Variants in LAMB3 observed in about 807,000 individuals in gnomAD.
LAMB3 encodes the protein laminin subunit beta 3.
LAMB3 carries 104 observed loss-of-function variants against 140.3 expected under a neutral mutation model. The ratio of observed to expected loss-of-function variants is 0.74; its 90% confidence interval spans 0.63 to 0.87. LAMB3 has a LOEUF of 0.87. LAMB3 is among the 40% of genes least tolerant of loss of function. LAMB3 has a pLI of 0.00. For missense variants in LAMB3, 1,531 were observed against 1,575.2 expected (o/e 0.97, Z 0.47); for synonymous variants, 592 against 602.9 (o/e 0.98, Z 0.26).
chr1:209,620,751 G>A lies in LAMB3; in HGVS notation c.2701+1785C>T, dbSNP rs369368764. Among the ~76,000 whole-genome samples, 15 of 152,336 alleles carry A rather than the reference G, an allele frequency of 9.8e-5. No homozygotes were observed. In the East Asian group the frequency reaches 2.3e-3, roughly 24 times the overall value. On this transcript the variant is annotated intron_variant, in intron 18 of 22. Transcript: ENST00000356082. ...GAATAAATGATGTAATACATGCAAA[G>A]CACTTGGAACAGTGCCTGGACTCAG...
rs2102434032 is a variant in LAMB3 at position 209,632,500 on chromosome 1, C to A, written c.822+83G>T. Reference sequence around the variant, plus strand: ...CCAAGTCTTAGATTTAGTGCCCTTCCTGCTTTACAGGAGCCCCAAGAATGT... The same window carrying A: ...CCAAGTCTTAGATTTAGTGCCCTTCATGCTTTACAGGAGCCCCAAGAATGT... On this transcript the variant is annotated intron_variant, in intron 8 of 22. Coordinates refer to ENST00000356082, the MANE Select transcript of LAMB3 (RefSeq NM_000228.3). The A allele has an allele frequency of 3.6e-6, 4 of 1,116,814 alleles. No homozygotes were observed. In the South Asian group the frequency reaches 5.5e-5, roughly 15 times the overall value. The allele number at this position is 1,116,814 out of a possible 1,614,324, so 69.2% of individuals were successfully genotyped here.
At chr1:209,621,495 C>T (rs1284099905) in intron 18 of LAMB3, among the ~76,000 whole-genome samples, 1 of 152,212 alleles carries the variant, frequency 6.6e-6, no homozygotes, top group Non-Finnish European at 1.5e-5. Context: ...TGTCATTACA[C>T]CAAGCCCTGG....
At chr1:209,638,769 A>T in intron 3 of LAMB3, 121 bp from the exon 4 acceptor site, 2 of 706,676 alleles carry the variant, frequency 2.8e-6, no homozygotes, top group South Asian at 3.0e-5. Context: ...CACTAATTTT[A>T]TTAATACAAT....
Position 209,650,138 on chromosome 1 carries a change from T to A in LAMB3, c.29-20A>T. 1 of 1,607,548 alleles carries A rather than the reference T, an allele frequency of 6.2e-7. No homozygotes were observed. Among genetic ancestry groups the A allele is most frequent in the Non-Finnish European group, 8.5e-7 (1 of 1,177,312 alleles). ...GCAGGGCTGAAATCACAGGGATGTGTGATGGAGCAGTCCAGAAAAAAAGGG... is the reference window on the plus strand; with the variant it reads ...GCAGGGCTGAAATCACAGGGATGTGAGATGGAGCAGTCCAGAAAAAAAGGG... On this transcript the variant is annotated intron_variant, in intron 2 of 22. Transcript: ENST00000356082.
At chr1:209,641,574 T>G (rs2076469589) in intron 3 of LAMB3, among the ~76,000 whole-genome samples, 2 of 152,118 alleles carry the variant, frequency 1.3e-5, no homozygotes, top group South Asian at 2.1e-4. Flanking sequence ...TGCTAAAGGG[T>G]AGCAGTCTCT....
At chr1:209,620,559 T>C (rs1666151652) in intron 18 of LAMB3, among the ~76,000 whole-genome samples, 1 of 152,238 alleles carries the variant, frequency 6.6e-6, no homozygotes, top group Non-Finnish European at 1.5e-5. Context: ...TGTGTGTCTA[T>C]GCCGTAAAGC....
intron 19 of LAMB3, 21 bp downstream of exon 19, chr1:209,618,431 G>T (rs1418709371): frequency 6.2e-7 from 1 of 1,611,018 alleles, no homozygotes; most frequent in Non-Finnish European, 8.5e-7. Context: ...GCAGAGAGAA[G>T]TTCAGGGCCC....
chr1:209,635,090 G>T (rs916559152), intron 5 of LAMB3, among the ~76,000 whole-genome samples: 5 of 152,104 alleles, frequency 3.3e-5, no homozygotes, highest in Admixed American at 6.5e-5. Context: ...AGTCTGCATT[G>T]ATCTCATGAT....
At chr1:209,618,742 T>A in intron 18 of LAMB3, 83 bp from the exon 19 acceptor site, 1 of 1,356,202 alleles carries the variant, frequency 7.4e-7, no homozygotes, top group Non-Finnish European at 1.0e-6. Flanking sequence ...GCAGCACTTG[T>A]GGAAGGCACC....
chr1:209,627,341 C>T (rs1411759159), intron 12 of LAMB3, 42 bp downstream of exon 12: 1 of 1,545,482 alleles, frequency 6.5e-7, no homozygotes. Context: ...CTCAGGACCC[C>T]CCTCCCACTG....
chr1:209,640,960 G>C (rs113404426), intron 3 of LAMB3, among the ~76,000 whole-genome samples: 1 of 151,854 alleles, frequency 6.6e-6, no homozygotes, highest in South Asian at 2.1e-4. Flanking sequence ...GCGGGCCCCT[G>C]TAGTCCCAGC....
At chr1:209,617,368 C>T (rs777194045) in intron 21 of LAMB3, 42 bp downstream of exon 21, 2 of 1,598,678 alleles carry the variant, frequency 1.3e-6, no homozygotes, top group South Asian at 2.2e-5. Flanking sequence ...AGGACCCCCT[C>T]ACTGGCCGTA....
intron 1 of LAMB3, among the ~76,000 whole-genome samples, chr1:209,652,043 A>G (rs1003341708): frequency 6.6e-6 from 1 of 152,022 alleles, no homozygotes; most frequent in African/African-American, 2.4e-5. Flanking sequence ...CCATCTTCTG[A>G]CTTTCATCCA....
chr1:209,617,212 C>T (rs1305605406), intron 21 of LAMB3, among the ~76,000 whole-genome samples, 198 bp downstream of exon 21: 2 of 152,172 alleles, frequency 1.3e-5, no homozygotes, highest in Admixed American at 6.5e-5. Flanking sequence ...CTCCAGTGTC[C>T]CTGAGCCAGC....
At chr1:209,649,585 G>A (rs768473146) in intron 3 of LAMB3, among the ~76,000 whole-genome samples, 5 of 152,110 alleles carry the variant, frequency 3.3e-5, no homozygotes, top group Non-Finnish European at 5.9e-5. Context: ...ACACAGTTCG[G>A]CCCACACATC....
chr1:209,630,561 G>A lies in LAMB3; in HGVS notation c.943+54C>T, dbSNP rs754878100. On this transcript the variant is annotated intron_variant, in intron 9 of 22. Transcript: ENST00000356082. ...CCAGGTGAGATCATCAAGGCCTAGA[G>A]GGGCCAGCACTCGACCCAGACCCTA... The A allele has an allele frequency of 9.3e-6, 15 of 1,607,712 alleles. No individual in the cohort carries two copies. In the South Asian group the frequency reaches 1.6e-4, roughly 18 times the overall value.
At chr1:209,628,689 C>T (rs572030068) in intron 10 of LAMB3, among the ~76,000 whole-genome samples, 24 of 144,222 alleles carry the variant, frequency 1.7e-4, no homozygotes, top group Non-Finnish European at 2.8e-4. Flanking sequence ...AGAGCGAAAC[C>T]ATCTCCATTA....
In LAMB3 at chr1:209,622,970, G is replaced by A. The variant is rs765478521; in HGVS notation, c.2556+12C>T. ...CTCCTACCTGTGCCCACCCCGCCTC[G>A]GCTGCACTTACCATCTGCCTGGTCC... On this transcript the variant is annotated intron_variant, in intron 17 of 22. Transcript: ENST00000356082. The A allele has an allele frequency of 2.4e-5, 38 of 1,612,370 alleles. No individual in the cohort carries two copies. The highest frequency in any genetic ancestry group is 1.4e-4 in the South Asian group (13 of 90,992).
Position 209,629,738 on chromosome 1 carries a change from G to C in LAMB3, c.1131C>G (p.Ile377Met). The C allele has an allele frequency of 6.2e-7, 1 of 1,614,010 alleles. No homozygotes were observed. Among genetic ancestry groups the C allele is most frequent in the East Asian group, 2.2e-5 (1 of 44,886 alleles). Residue 377 changes from isoleucine (I) to methionine (M), a missense_variant and splice_region_variant, in exon 10 of 23, where the codon ATC becomes ATG. Coordinates refer to ENST00000356082, the MANE Select transcript of LAMB3 (RefSeq NM_000228.3). ...TGGGACTCCGGAGCCTCTACTCACA[G>C]ATGCAGGTCTCCTGAATGGAAGCTC... ...RPGASIQETC[I>M]SCECDPDGAV...
Sources: gnomAD v4.1 joint callset for allele counts (sites outside exome capture counted in the v4.1 genomes callset) on GRCh38, gnomAD v4.1.1 for gene constraint, MANE v1.5 for transcripts, NCBI Gene and HGNC (gene_info 2026-07-23, HGNC 2026-07-21) for gene names.